Variants in ULK2 observed in about 807,000 individuals in gnomAD.
ULK2 encodes the protein unc-51 like autophagy activating kinase 2, also known as serine/threonine-protein kinase ULK2.
Under a neutral mutation model 127.5 loss-of-function variants are expected in ULK2, and 76 were observed. The ratio of observed to expected loss-of-function variants is 0.60; its 90% CI spans 0.50 to 0.72. The LOEUF (loss-of-function observed/expected upper bound fraction) is 0.72, where lower values mean the gene tolerates loss of function less well. Ranked by LOEUF, ULK2 falls within the 30% of genes least tolerant of loss-of-function variation. ULK2 has a pLI of 0.00. For synonymous variants in ULK2, 452 were observed against 461.9 expected (o/e 0.98, Z 0.28); for missense variants, 1,144 against 1,295.9 (o/e 0.88, Z 1.80).
chr17:19,840,172 C>T (rs888361234), intron 9 of ULK2: 3 of 475,270 alleles, frequency 6.3e-6, no homozygotes, highest in Non-Finnish European at 8.6e-6. Flanking sequence ...ACTGTGCCCC[C>T]GACCCTCAAC....
intron 1 of ULK2, among the ~76,000 whole-genome samples, chr17:19,866,176 T>C (rs1195994061): frequency 6.6e-6 from 1 of 152,118 alleles, no homozygotes; most frequent in Non-Finnish European, 1.5e-5. Context: ...TACACCGTGC[T>C]TGAGTTCTAA....
chr17:19,783,759 G>C lies in ULK2; in HGVS notation c.2398C>G (p.Pro800Ala), dbSNP rs1182013352. 2 of 1,601,024 alleles carry C rather than the reference G, an allele frequency of 1.2e-6. No individual in the cohort carries two copies. Among genetic ancestry groups the C allele is most frequent in the Admixed American group, 1.7e-5 (1 of 58,330 alleles). The change falls in exon 22 of 27, where the codon CCC becomes GCC. Residue 800 changes from proline to alanine, a missense_variant. Physicochemically the swap from Pro to Ala is conservative, Grantham distance 27 (BLOSUM62 -1). Transcript: ENST00000395544. ...LRYVPYGASP[P>A]SLEGLITFEA... ...AAGGTGATGAGCCCCTCTAGGCTGG[G>C]GGGTGAAGCACCGTAAGGCACGTAT...
At chr17:19,814,439 T>TATATATATACACATATATA (rs1491246393) in intron 13 of ULK2, among the ~76,000 whole-genome samples, 1 of 10,004 alleles carries the variant, frequency 1.0e-4, no homozygotes, top group African/African-American at 2.1e-4. Context: ...TATATATATA[T>TATATATATACACATATATA]TTTTTTTTTT....
rs1217037863 is a variant in ULK2, at chr17:19,774,909, T to C, written c.*1440A>G. On this transcript the variant is annotated 3_prime_UTR_variant, in exon 27 of 27. Coordinates refer to ENST00000395544, the MANE Select transcript of ULK2 (RefSeq NM_014683.4). ...TATTAAAGACCTAAAAATACAAACG[T>C]CATATAAATAAATGTTCAAATTAAC... The C allele has an allele frequency of 6.6e-6, 1 of 152,604 alleles. No individual in the cohort carries two copies. Among genetic ancestry groups the C allele is most frequent in the African/African-American group, 2.4e-5 (1 of 41,442 alleles). The allele number at this position is 152,604 out of a possible 1,614,324, so 9.5% of individuals were successfully genotyped here.
At chr17:19,791,214 C>G (rs1199668807) in intron 20 of ULK2, among the ~76,000 whole-genome samples, 1 of 152,188 alleles carries the variant, frequency 6.6e-6, no homozygotes, top group Non-Finnish European at 1.5e-5. Context: ...GCTTATGGAT[C>G]ATTCTCATAT....
At chr17:19,831,027 TA>T (rs10658733) in intron 10 of ULK2, among the ~76,000 whole-genome samples, 35 of 136,886 alleles carry the variant, frequency 2.6e-4, no homozygotes, top group Admixed American at 1.0e-3. Context: ...ACTCCGTCGC[TA>T]AAAAAAAAAA....
At chr17:19,864,696 T>C (rs1233848366) in intron 3 of ULK2, 107 bp downstream of exon 3, 3 of 400,080 alleles carry the variant, frequency 7.5e-6, no homozygotes, top group African/African-American at 6.2e-5. Context: ...CTATGCATCT[T>C]TTCAACAAGA....
chr17:19,809,732 C>CGG (rs750626905), intron 14 of ULK2, among the ~76,000 whole-genome samples: 30 of 90,500 alleles, frequency 3.3e-4, no homozygotes, highest in Non-Finnish European at 6.1e-4. Flanking sequence ...GACTCCGTCT[C>CGG]AAAAAAAAAA....
At chr17:19,854,046 C>A (rs534645253) in intron 3 of ULK2, among the ~76,000 whole-genome samples, 2 of 152,110 alleles carry the variant, frequency 1.3e-5, no homozygotes, top group African/African-American at 4.8e-5. Flanking sequence ...CACCTGTAAT[C>A]CCTGGGCCAA....
chr17:19,775,506 TA>T lies in ULK2; in HGVS notation c.*842del, dbSNP rs1306967897. On this transcript the variant is annotated 3_prime_UTR_variant, in exon 27 of 27. Coordinates refer to ENST00000395544, the MANE Select transcript of ULK2 (RefSeq NM_014683.4). ...ATCAATGTACATTCTGCATGCACAA[TA>T]AAAAATGGAACCAAAAGCTAACAAA... is the stretch of plus-strand genomic sequence containing the variant. The T allele has an allele frequency of 6.0e-5, 9 of 149,612 alleles. No homozygotes were observed. The East Asian group carries it at 1.8e-3, about 29-fold the overall frequency. The allele number at this position is 149,612 out of a possible 1,614,324, so 9.3% of individuals were successfully genotyped here.
chr17:19,825,743 T>C (rs1232896541), intron 11 of ULK2, among the ~76,000 whole-genome samples: 4 of 150,012 alleles, frequency 2.7e-5, no homozygotes, highest in African/African-American at 9.9e-5. Flanking sequence ...TTCCAGCACT[T>C]TGTGGGGCTG....
Position 19,867,492 on chromosome 17 carries a change from G to C in ULK2, c.-75C>G, listed in dbSNP as rs185623331. 2.5e-6 allele frequency: 3 copies of C among 1,205,102 alleles called. No individual in the cohort carries two copies. The highest frequency in any genetic ancestry group is 2.2e-4 in the Middle Eastern group (1 of 4,634). The allele number at this position is 1,205,102 out of a possible 1,614,324, so 74.7% of individuals were successfully genotyped here. A position where few individuals can be genotyped will look rare whatever the true frequency, so the allele number is the denominator to read the frequency against. On this transcript the variant is annotated 5_prime_UTR_variant, in exon 1 of 27. Coordinates refer to ENST00000395544, the MANE Select transcript of ULK2 (RefSeq NM_014683.4). ...GCAGGTATCAGCACCGCGGCTCCGC[G>C]GGCCCGGAGCGCGCCAGCGTGCGGC...
chr17:19,813,573 T>TA (rs1434133855), intron 13 of ULK2, among the ~76,000 whole-genome samples: 2 of 152,184 alleles, frequency 1.3e-5, no homozygotes, highest in Non-Finnish European at 2.9e-5. Flanking sequence ...AGCACATTTT[T>TA]AATCATTAAA....
intron 14 of ULK2, among the ~76,000 whole-genome samples, chr17:19,806,138 C>T (rs1331715472): frequency 6.6e-6 from 1 of 152,190 alleles, no homozygotes; most frequent in African/African-American, 2.4e-5. Context: ...CACTAATCAG[C>T]TCTGGTGTCT....
At chr17:19,840,393 G>A (rs1350741006) in intron 9 of ULK2, 2 of 517,454 alleles carry the variant, frequency 3.9e-6, no homozygotes, top group Non-Finnish European at 3.9e-6. Flanking sequence ...CTCACTCTTG[G>A]GCGCTCTGTG....
At chr17:19,786,189 G>GT (rs368136879) in intron 20 of ULK2, 103 bp from the exon 21 acceptor site, 91,705 of 812,982 alleles carry the variant, frequency 0.11, 18 homozygotes, top group Middle Eastern at 0.15. Context: ...GAGTCTAGTG[G>GT]TTTTTTTTTT....
At chr17:19,829,787 C>T (rs772809883) in intron 10 of ULK2, among the ~76,000 whole-genome samples, 2 of 142,620 alleles carry the variant, frequency 1.4e-5, no homozygotes, top group Non-Finnish European at 3.0e-5. Flanking sequence ...TGCAGTAAAC[C>T]GAGATCGCGC....
intron 10 of ULK2, among the ~76,000 whole-genome samples, chr17:19,837,050 C>T (rs891023927): frequency 6.6e-6 from 1 of 151,700 alleles, no homozygotes; most frequent in Non-Finnish European, 1.5e-5. Flanking sequence ...CACACCACTG[C>T]ATTCCAGTCC....
chr17:19,865,745 T>C lies in ULK2; in HGVS notation c.174A>G (p.Lys58=). The change falls in exon 2 of 27, where the codon AAA becomes AAG. Residue 58 remains lysine, a synonymous_variant. Coordinates refer to ENST00000395544, the MANE Select transcript of ULK2 (RefSeq NM_014683.4). The stretch of plus-strand genomic sequence containing the variant: ...ACATAAAGTAACATACCTTTAAGAT[T>C]TTAATTTCCTTTCCAAGCAGTATTT... ...KSQILLGKEI[K]ILKELQHENI... The C allele has an allele frequency of 5.3e-6, 8 of 1,510,860 alleles. No individual in the cohort carries two copies. Among genetic ancestry groups the C allele is most frequent in the Non-Finnish European group, 7.3e-6 (8 of 1,099,346 alleles). The allele number at this position is 1,510,860 out of a possible 1,614,324, so 93.6% of individuals were successfully genotyped here. A position where few individuals can be genotyped will look rare whatever the true frequency, so the allele number is the denominator to read the frequency against.
Sources: allele counts gnomAD v4.1 joint callset (sites outside exome capture counted in the v4.1 genomes callset), GRCh38; gene constraint gnomAD v4.1.1; transcripts MANE v1.5; gene names NCBI Gene and HGNC (gene_info 2026-07-23, HGNC 2026-07-21).